Variants in PRKG1 observed in about 807,000 individuals in gnomAD.
PRKG1 encodes cGMP-dependent protein kinase 1.
In PRKG1, 35 loss-of-function variants were observed where a neutral mutation model predicts 88.1. The ratio of observed to expected loss-of-function variants is 0.40; its 90% CI spans 0.30 to 0.53. PRKG1 has a LOEUF of 0.53. PRKG1 is among the 20% of genes least tolerant of loss of function. The probability of loss-of-function intolerance (pLI) is 0.59; values close to 1 mark genes in which losing one functional copy is unlikely to be tolerated. For synonymous variants in PRKG1, 303 were observed against 292.5 expected (o/e 1.04, Z -0.37); for missense variants, 540 against 839.8 (o/e 0.64, Z 4.41).
intron 2 of PRKG1, among the ~76,000 whole-genome samples, chr10:51,185,925 A>G (rs1396277173): frequency 6.6e-6 from 1 of 151,826 alleles, no homozygotes; most frequent in Non-Finnish European, 1.5e-5. Flanking sequence ...TCATAAACAT[A>G]GAATTATTTC....
intron 2 of PRKG1, among the ~76,000 whole-genome samples, chr10:51,359,446 TTG>T (rs35079209): frequency 6.7e-6 from 1 of 150,028 alleles, no homozygotes. Context: ...GGCCAGTCAT[TTG>T]TGTGTGTGTG....
chr10:51,285,047 TC>T (rs1564429134), intron 2 of PRKG1, among the ~76,000 whole-genome samples: 1 of 14,760 alleles, frequency 6.8e-5, no homozygotes, highest in Non-Finnish European at 1.3e-4. Flanking sequence ...CCTCCCGCCC[TC>T]CCCCCACCCC....
intron 3 of PRKG1, among the ~76,000 whole-genome samples, chr10:51,576,654 G>A (rs906141724): frequency 6.6e-6 from 1 of 151,878 alleles, no homozygotes; most frequent in Non-Finnish European, 1.5e-5. Context: ...GGAAGGCTTT[G>A]CAAATGTATC....
intron 7 of PRKG1, among the ~76,000 whole-genome samples, chr10:52,132,446 T>C (rs1837290429): frequency 6.6e-6 from 1 of 152,112 alleles, no homozygotes; most frequent in Non-Finnish European, 1.5e-5. Context: ...AAATAGTTAA[T>C]TTAAAGCGAT....
intron 9 of PRKG1, among the ~76,000 whole-genome samples, chr10:52,193,213 A>T (rs531233964): frequency 6.6e-6 from 1 of 152,180 alleles, no homozygotes; most frequent in South Asian, 2.1e-4. Context: ...AAACCTATAC[A>T]TTTTACTTAA....
chr10:51,110,979 T>G (rs981815720), intron 1 of PRKG1, among the ~76,000 whole-genome samples: 1 of 151,534 alleles, frequency 6.6e-6, no homozygotes, highest in Non-Finnish European at 1.5e-5. Context: ...AAGGGGAGAG[T>G]TTTTTGTCAT....
chr10:51,140,441 T>C (rs1488056394), intron 1 of PRKG1, among the ~76,000 whole-genome samples: 3 of 152,192 alleles, frequency 2.0e-5, no homozygotes, highest in Admixed American at 2.0e-4. Context: ...CTGAGCAGAC[T>C]ACTGTGTAAA....
chr10:52,162,372 G>T (rs770346139), intron 9 of PRKG1, among the ~76,000 whole-genome samples: 1 of 151,982 alleles, frequency 6.6e-6, no homozygotes, highest in Non-Finnish European at 1.5e-5. Context: ...ATTGAACTTT[G>T]ATGTTACTAA....
intron 7 of PRKG1, among the ~76,000 whole-genome samples, chr10:52,064,489 A>G (rs918001923): frequency 6.6e-6 from 1 of 152,170 alleles, no homozygotes; most frequent in African/African-American, 2.4e-5. Flanking sequence ...GAGGGCAGGG[A>G]TCTTGTCAGC....
chr10:51,964,423 A>T (rs893094634), intron 5 of PRKG1, among the ~76,000 whole-genome samples: 2 of 152,244 alleles, frequency 1.3e-5, no homozygotes, highest in Non-Finnish European at 2.9e-5. Flanking sequence ...CTTATTGTGA[A>T]TGTTAATGTA....
intron 1 of PRKG1, among the ~76,000 whole-genome samples, chr10:51,040,101 A>G (rs1447009868): frequency 6.6e-6 from 1 of 151,824 alleles, no homozygotes; most frequent in African/African-American, 2.4e-5. Context: ...TGTTTTTTCT[A>G]TTTCAGTGAA....
Position 51,679,930 on chromosome 10 carries a change from G to A in PRKG1, c.593-124655G>A, listed in dbSNP as rs554628116. On this transcript the variant is annotated intron_variant, in intron 3 of 17. Coordinates refer to ENST00000373980, the MANE Select transcript of PRKG1 (RefSeq NM_006258.4). Reference sequence around the variant, plus strand: ...GATATAACTTAAGGCCAATTAACGGGAACTTCCTAAAGCTAAACCAAAATG... The same window carrying A: ...GATATAACTTAAGGCCAATTAACGGAAACTTCCTAAAGCTAAACCAAAATG... 1.1e-4 allele frequency among the ~76,000 whole-genome samples: 15 copies of A among 140,042 alleles called. No individual in the cohort carries two copies. The South Asian group carries it at 3.2e-3, about 30-fold the overall frequency. 91.9% of individuals were successfully genotyped at this position (140,042 alleles called of 152,430 possible).
chr10:51,037,521 T>C (rs988542321), intron 1 of PRKG1, among the ~76,000 whole-genome samples: 4 of 151,704 alleles, frequency 2.6e-5, no homozygotes, highest in Non-Finnish European at 5.9e-5. Flanking sequence ...CAGTGGCTCA[T>C]GCCTGTAATC....
chr10:51,813,100 T>A (rs1839498604), intron 4 of PRKG1, among the ~76,000 whole-genome samples: 1 of 152,190 alleles, frequency 6.6e-6, no homozygotes, highest in Non-Finnish European at 1.5e-5. Flanking sequence ...ATAAGAAAAA[T>A]CTTTTGAATT....
At chr10:51,842,533 A>T (rs1840304513) in intron 4 of PRKG1, among the ~76,000 whole-genome samples, 1 of 152,168 alleles carries the variant, frequency 6.6e-6, no homozygotes, top group Non-Finnish European at 1.5e-5. Context: ...ATCAGCAAAC[A>T]TGTTTAGTGA....
At chr10:52,288,687 T>TA (rs752488522) in intron 14 of PRKG1, 39 bp from the exon 15 acceptor site, 4 of 1,536,958 alleles carry the variant, frequency 2.6e-6, no homozygotes, top group Non-Finnish European at 3.5e-6. Context: ...ATGTAGAAAA[T>TA]AAAAGTAATA....
At chr10:51,069,166 T>C (rs1421963249) in intron 1 of PRKG1, among the ~76,000 whole-genome samples, 1 of 152,022 alleles carries the variant, frequency 6.6e-6, no homozygotes, top group East Asian at 1.9e-4. Flanking sequence ...TATTAAATGC[T>C]AAGTACATTA....
At chr10:51,901,494 G>T (rs983728478) in intron 4 of PRKG1, among the ~76,000 whole-genome samples, 5 of 152,148 alleles carry the variant, frequency 3.3e-5, no homozygotes, top group Non-Finnish European at 7.4e-5. Flanking sequence ...TTTGCATCTG[G>T]CACGCATTCA....
chr10:51,826,232 A>G (rs1839879036), intron 4 of PRKG1, among the ~76,000 whole-genome samples: 1 of 152,182 alleles, frequency 6.6e-6, no homozygotes, highest in African/African-American at 2.4e-5. Context: ...GGAGAGTCCC[A>G]CAGCACACTA....
Sources: gnomAD v4.1 joint callset for allele counts (sites outside exome capture counted in the v4.1 genomes callset) on GRCh38, gnomAD v4.1.1 for gene constraint, MANE v1.5 for transcripts, NCBI Gene and HGNC (gene_info 2026-07-23, HGNC 2026-07-21) for gene names.